Variants in STX6 observed in about 807,000 individuals in gnomAD.
STX6 encodes the protein syntaxin 6.
STX6 carries 23 observed loss-of-function variants against 38.0 expected under a neutral mutation model. That is an observed-to-expected ratio of 0.60 (90% CI 0.43 to 0.86). The LOEUF is 0.86. Among genes scored for constraint, STX6 ranks in the 40% least tolerant of loss-of-function variants. The pLI is 0.00. For missense variants in STX6, 274 were observed against 312.9 expected (o/e 0.88, Z 0.94); for synonymous variants, 123 against 107.5 (o/e 1.14, Z -0.89).
Position 180,991,121 on chromosome 1 carries a change from GC to G in STX6, c.364-1013del, listed in dbSNP as rs566106464. On this transcript the variant is annotated intron_variant, in intron 4 of 7. Transcript: ENST00000258301. ...GTTCTGTCTGAAAACCCTTCCAACA[GC>G]CCCATGACCTTCCTCCATACTGACA... Among the ~76,000 whole-genome samples, 531 of 152,312 alleles carry G rather than the reference GC, an allele frequency of 3.5e-3. 5 individuals carry two copies. Among genetic ancestry groups the G allele is most frequent in the Non-Finnish European group, 4.4e-3 (299 of 68,032 alleles).
chr1:180,978,744 A>G (rs1374259665), intron 7 of STX6, among the ~76,000 whole-genome samples: 1 of 152,202 alleles, frequency 6.6e-6, no homozygotes, highest in Non-Finnish European at 1.5e-5. Context: ...AAAACTGGGA[A>G]GCACTAGTGA....
chr1:180,990,192 A>G, intron 4 of STX6, 83 bp from the exon 5 acceptor site: 2 of 1,540,452 alleles, frequency 1.3e-6, no homozygotes, highest in Non-Finnish European at 1.8e-6. Flanking sequence ...GAGTGATATA[A>G]AGAGTTTTCA....
At chr1:181,001,792 G>A (rs562678241) in intron 3 of STX6, among the ~76,000 whole-genome samples, 2 of 152,340 alleles carry the variant, frequency 1.3e-5, no homozygotes, top group African/African-American at 4.8e-5. Context: ...AGAAACTAGA[G>A]GTATGGACAA....
chr1:181,018,751 T>C (rs1369887419), intron 1 of STX6, among the ~76,000 whole-genome samples: 1 of 152,174 alleles, frequency 6.6e-6, no homozygotes, highest in Non-Finnish European at 1.5e-5. Context: ...ACTGGTCTCC[T>C]TTTTCATCTT....
At chr1:181,018,345 C>T (rs1409966522) in intron 1 of STX6, among the ~76,000 whole-genome samples, 2 of 133,274 alleles carry the variant, frequency 1.5e-5, no homozygotes, top group Admixed American at 1.7e-4. Context: ...ATCACGCCAT[C>T]GCCATTGCAC....
chr1:180,976,309 C>T lies in STX6; in HGVS notation c.*261G>A. ...GGAAGGCAAGGCAGCAGCTAGTTCT[C>T]CTCCGAACTGGACAGGCGGCATGGG... On this transcript the variant is annotated 3_prime_UTR_variant, in exon 8 of 8. Coordinates refer to ENST00000258301, the MANE Select transcript of STX6 (RefSeq NM_005819.6). 1 of 451,836 alleles carries T rather than the reference C, an allele frequency of 2.2e-6. No homozygotes were observed. The highest frequency in any genetic ancestry group is 2.7e-5 in the South Asian group (1 of 36,800). The allele number at this position is 451,836 out of a possible 1,614,324, so 28.0% of individuals were successfully genotyped here. A position where few individuals can be genotyped will look rare whatever the true frequency, so the allele number is the denominator to read the frequency against.
chr1:180,986,554 A>G (rs2102306121), intron 6 of STX6, among the ~76,000 whole-genome samples: 1 of 151,976 alleles, frequency 6.6e-6, no homozygotes, highest in South Asian at 2.1e-4. Flanking sequence ...TGTTATTTCT[A>G]TTTTTTTAGA....
chr1:180,999,934 C>G (rs775614075), intron 3 of STX6, among the ~76,000 whole-genome samples: 2 of 152,168 alleles, frequency 1.3e-5, no homozygotes, highest in Admixed American at 6.5e-5. Flanking sequence ...TCTCTACATA[C>G]AAACACTGTT....
intron 1 of STX6, among the ~76,000 whole-genome samples, chr1:181,019,418 G>A (rs969500322): frequency 3.3e-5 from 5 of 151,924 alleles, no homozygotes; most frequent in African/African-American, 1.2e-4. Context: ...GAGAGACAGA[G>A]GAAGAGGTCC....
Position 180,988,291 on chromosome 1 carries a change from C to G in STX6, c.544G>C (p.Val182Leu), listed in dbSNP as rs140743270. 2.5e-6 allele frequency: 4 copies of G among 1,613,942 alleles called. No individual in the cohort carries two copies. In the African/African-American group the frequency reaches 5.3e-5, roughly 22 times the overall value. ...QLELVSGSIG[V>L]LKNMSQRIGG... is the part of the protein sequence containing the mutation. Reference sequence around the variant, plus strand: ...ATGCGCTGGGACATGTTCTTCAGCACCCCGATGCTGCCAGAGACCAGCTCC... The same window carrying G: ...ATGCGCTGGGACATGTTCTTCAGCAGCCCGATGCTGCCAGAGACCAGCTCC... The change falls in exon 6 of 8, where the codon GTG becomes CTG. Residue 182 changes from valine (V) to leucine (L), a missense_variant. By Grantham distance (32) the Val-to-Leu change is conservative (BLOSUM62 1). Coordinates refer to ENST00000258301, the MANE Select transcript of STX6 (RefSeq NM_005819.6).
chr1:180,988,620 A>G, intron 5 of STX6: 1 of 332,906 alleles, frequency 3.0e-6, no homozygotes, highest in Non-Finnish European at 5.8e-6. Context: ...GCTGACGTCC[A>G]ATAATGGAGC....
At chr1:180,988,553 C>T (rs1655656685) in intron 5 of STX6, 1 of 489,500 alleles carries the variant, frequency 2.0e-6, no homozygotes, top group Non-Finnish European at 3.7e-6. Flanking sequence ...TCCTGCTGAT[C>T]CAACTTGTGA....
chr1:181,011,696 G>C (rs1656405718), intron 1 of STX6, among the ~76,000 whole-genome samples: 1 of 152,220 alleles, frequency 6.6e-6, no homozygotes, highest in South Asian at 2.1e-4. Context: ...TTTTATAAGA[G>C]AAGTGCCCAT....
rs367855216 is a variant in STX6, at chr1:180,976,528, C to G, written c.*42G>C. ...CGTGCTCAGCTTCTCCTCCTCCCCT[C>G]GGTTCATATGCAGGAGGAACTCGCA... On this transcript the variant is annotated 3_prime_UTR_variant, in exon 8 of 8. Coordinates refer to ENST00000258301, the MANE Select transcript of STX6 (RefSeq NM_005819.6). 7.7e-6 allele frequency: 12 copies of G among 1,548,758 alleles called. No homozygotes were observed. The highest frequency in any genetic ancestry group is 3.6e-6 in the Non-Finnish European group (4 of 1,121,674).
intron 6 of STX6, among the ~76,000 whole-genome samples, chr1:180,986,132 A>G (rs1655576526): frequency 1.3e-5 from 2 of 152,240 alleles, no homozygotes; most frequent in African/African-American, 4.8e-5. Context: ...AAACAGGCAC[A>G]TCATCAGGCA....
rs1175869581 is a variant in STX6 at position 180,976,267 on chromosome 1, T to C, written c.*303A>G. 2.7e-6 allele frequency: 1 copy of C among 371,030 alleles called. No homozygotes were observed. Among genetic ancestry groups the C allele is most frequent in the Non-Finnish European group, 5.1e-6 (1 of 194,278 alleles). 23.0% of individuals were successfully genotyped at this position (371,030 alleles called of 1,614,324 possible). ...ACCAGTGGAGTCTGTAAGTCCCTCCTCAGCAAACGAGGTCCCGGAAGGCAA... is the reference window on the plus strand; with the variant it reads ...ACCAGTGGAGTCTGTAAGTCCCTCCCCAGCAAACGAGGTCCCGGAAGGCAA... On this transcript the variant is annotated 3_prime_UTR_variant, in exon 8 of 8. Transcript: ENST00000258301.
At chr1:181,001,430 T>C (rs1023486858) in intron 3 of STX6, among the ~76,000 whole-genome samples, 13 of 152,264 alleles carry the variant, frequency 8.5e-5, no homozygotes, top group Non-Finnish European at 1.6e-4. Flanking sequence ...TTAATATTTT[T>C]TCTCAGATTC....
chr1:181,009,702 C>T (rs1656338749), intron 1 of STX6, among the ~76,000 whole-genome samples: 1 of 151,570 alleles, frequency 6.6e-6, no homozygotes, highest in Non-Finnish European at 1.5e-5. Context: ...GTGGAAAGCA[C>T]AATAGTACAG....
At chr1:180,986,839 C>G (rs982530539) in intron 6 of STX6, among the ~76,000 whole-genome samples, 4 of 152,194 alleles carry the variant, frequency 2.6e-5, no homozygotes, top group Non-Finnish European at 5.9e-5. Flanking sequence ...TACCCACTGC[C>G]CAGCCAGGCT....
Sources: allele counts gnomAD v4.1 joint callset (sites outside exome capture counted in the v4.1 genomes callset), GRCh38; gene constraint gnomAD v4.1.1; transcripts MANE v1.5; gene names NCBI Gene and HGNC (gene_info 2026-07-23, HGNC 2026-07-21).